NDST3: variants seen among roughly 807,000 people sequenced by gnomAD.
NDST3 encodes the protein bifunctional heparan sulfate N-deacetylase/N-sulfotransferase 3.
NDST3 carries 58 observed loss-of-function variants against 96.1 expected under a neutral mutation model. The ratio of observed to expected loss-of-function variants is 0.60; its 90% CI spans 0.49 to 0.75. The LOEUF (loss-of-function observed/expected upper bound fraction) is 0.75, where lower values mean the gene tolerates loss of function less well. Among genes scored for constraint, NDST3 ranks in the 30% least tolerant of loss-of-function variants. The pLI is 0.00. For missense variants in NDST3, 788 were observed against 1,034.2 expected, an observed-to-expected ratio of 0.76 and a Z score of 3.27; for synonymous variants, 333 against 359.7, an observed-to-expected ratio of 0.93 and a Z score of 0.84.
intron 6 of NDST3, among the ~76,000 whole-genome samples, chr4:118,172,693 A>G (rs1326957364): frequency 1.3e-5 from 2 of 152,102 alleles, no homozygotes; most frequent in Non-Finnish European, 2.9e-5. Flanking sequence ...ACTTTTTCTA[A>G]CAAGAAGGAT....
chr4:118,248,954 TCTC>T (rs1345509278), intron 12 of NDST3, among the ~76,000 whole-genome samples: 1 of 151,972 alleles, frequency 6.6e-6, no homozygotes, highest in Admixed American at 6.6e-5. Flanking sequence ...CCTTCTAGCT[TCTC>T]CTTCTCATTT....
intron 8 of NDST3, among the ~76,000 whole-genome samples, chr4:118,228,055 A>T (rs895824832): frequency 1.3e-5 from 2 of 152,196 alleles, no homozygotes; most frequent in African/African-American, 2.4e-5. Context: ...CTTTACAATC[A>T]TATTGCTTGC....
At chr4:118,201,002 T>C (rs559261729) in intron 6 of NDST3, among the ~76,000 whole-genome samples, 1 of 152,302 alleles carries the variant, frequency 6.6e-6, no homozygotes, top group African/African-American at 2.4e-5. Context: ...GTGTTCTCAA[T>C]GCTTAGCTCC....
intron 2 of NDST3, among the ~76,000 whole-genome samples, chr4:118,056,520 T>C (rs1725443787): frequency 6.6e-6 from 1 of 152,036 alleles, no homozygotes; most frequent in Non-Finnish European, 1.5e-5. Flanking sequence ...TTTAATTACT[T>C]CTAAATTGCA....
intron 9 of NDST3, among the ~76,000 whole-genome samples, chr4:118,236,676 T>C (rs17049693): frequency 0.039 from 5,936 of 152,260 alleles, 173 homozygotes; most frequent in African/African-American, 0.085. Context: ...ATATCGTCTG[T>C]TTTAATACGA....
chr4:118,253,683 A>G, intron 13 of NDST3, 82 bp downstream of exon 13: 2 of 961,160 alleles, frequency 2.1e-6, no homozygotes, highest in Non-Finnish European at 3.1e-6. Context: ...AAAACTAGTT[A>G]AAGTCAAAAT....
intron 6 of NDST3, among the ~76,000 whole-genome samples, chr4:118,199,219 C>T (rs946346741): frequency 2.0e-5 from 3 of 152,118 alleles, no homozygotes; most frequent in Non-Finnish European, 4.4e-5. Context: ...TTTTCTAGAT[C>T]CTGTAGGCAT....
intron 6 of NDST3, among the ~76,000 whole-genome samples, chr4:118,220,613 A>T (rs747007072): frequency 3.9e-5 from 6 of 151,954 alleles, no homozygotes; most frequent in Non-Finnish European, 7.4e-5. Flanking sequence ...CTTAAAGTAA[A>T]ATTAAAAAAA....
At chr4:118,156,106 T>C (rs916844198) in intron 6 of NDST3, among the ~76,000 whole-genome samples, 1 of 152,142 alleles carries the variant, frequency 6.6e-6, no homozygotes, top group African/African-American at 2.4e-5. Flanking sequence ...CAAATCTGGC[T>C]CCTGTCCACT....
chr4:118,171,704 C>T (rs1437799981), intron 6 of NDST3, among the ~76,000 whole-genome samples: 3 of 152,140 alleles, frequency 2.0e-5, no homozygotes, highest in South Asian at 2.1e-4. Context: ...CGGAATTGTC[C>T]GTCCTTCTGA....
At chr4:118,046,629 A>C (rs1298402233) in intron 1 of NDST3, among the ~76,000 whole-genome samples, 1 of 152,162 alleles carries the variant, frequency 6.6e-6, no homozygotes, top group East Asian at 1.9e-4. Flanking sequence ...GCTTGGGAGC[A>C]CTTTGGATTC....
At chr4:118,161,858 A>G (rs11930405) in intron 6 of NDST3, among the ~76,000 whole-genome samples, 11,203 of 152,140 alleles carry the variant, frequency 0.074, 929 homozygotes, top group African/African-American at 0.2. Context: ...GCTTCTGCTC[A>G]CACACGGTGC....
At chr4:118,238,147 AAAGAAAG>A (rs1224318744) in intron 10 of NDST3, among the ~76,000 whole-genome samples, 7 of 68,208 alleles carry the variant, frequency 1.0e-4, no homozygotes, top group Middle Eastern at 0.012. Flanking sequence ...GAGAGAGAGA[AAAGAAAG>A]AAAAGAAAGA....
chr4:118,042,311 C>T (rs796399032), intron 1 of NDST3, among the ~76,000 whole-genome samples: 8 of 152,152 alleles, frequency 5.3e-5, no homozygotes, highest in African/African-American at 1.9e-4. Context: ...TCTTTCTTCC[C>T]AAATATCTCT....
At chr4:118,048,850 A>G (rs931751509) in intron 1 of NDST3, among the ~76,000 whole-genome samples, 6 of 152,318 alleles carry the variant, frequency 3.9e-5, no homozygotes, top group African/African-American at 1.4e-4. Context: ...CTCCGGACTT[A>G]AACTTGACAC....
intron 6 of NDST3, among the ~76,000 whole-genome samples, chr4:118,197,882 C>A (rs895399123): frequency 6.6e-6 from 1 of 150,534 alleles, no homozygotes; most frequent in African/African-American, 2.4e-5. Flanking sequence ...TTGCTGCAAC[C>A]TCCGCCTCCT....
chr4:118,080,630 CT>C (rs1286546291), intron 2 of NDST3, among the ~76,000 whole-genome samples: 1 of 152,102 alleles, frequency 6.6e-6, no homozygotes, highest in African/African-American at 2.4e-5. Context: ...CCCATATGTT[CT>C]CCCATCAGAT....
At chr4:118,183,187 A>G (rs1460962585) in intron 6 of NDST3, among the ~76,000 whole-genome samples, 5 of 152,156 alleles carry the variant, frequency 3.3e-5, no homozygotes, top group African/African-American at 1.2e-4. Context: ...CTTGGAAAAC[A>G]ATGTTTACCA....
chr4:118,229,028 TGGTG>T (rs2125997642), intron 8 of NDST3, among the ~76,000 whole-genome samples: 1 of 152,300 alleles, frequency 6.6e-6, no homozygotes, highest in Admixed American at 6.5e-5. Flanking sequence ...GGGCCAGGCG[TGGTG>T]GCTCATGCCT....
Sources: allele counts gnomAD v4.1 joint callset (sites outside exome capture counted in the v4.1 genomes callset), GRCh38; gene constraint gnomAD v4.1.1; transcripts MANE v1.5; gene names NCBI Gene and HGNC (gene_info 2026-07-23, HGNC 2026-07-21).